CDH4: variants seen among roughly 807,000 people sequenced by gnomAD.
The protein encoded by CDH4 is cadherin 4, also known as cadherin-4.
A neutral mutation model predicts 86.0 loss-of-function variants in CDH4; 33 were observed. The ratio of observed to expected loss-of-function variants is 0.38; its 90% CI spans 0.29 to 0.51. CDH4 has a LOEUF of 0.51. Ranked by LOEUF, CDH4 falls within the 20% of genes least tolerant of loss-of-function variation. CDH4 has a pLI of 0.86. For synonymous variants in CDH4, 555 were observed against 549.4 expected, an observed-to-expected ratio of 1.01 and a Z score of -0.14; for missense variants, 1,114 against 1,307.4, an observed-to-expected ratio of 0.85 and a Z score of 2.28.
At chr20:61,295,682 T>A (rs1362746299) in intron 2 of CDH4, among the ~76,000 whole-genome samples, 1 of 152,072 alleles carries the variant, frequency 6.6e-6, no homozygotes, top group East Asian at 1.9e-4. Flanking sequence ...GTCAGCAGAG[T>A]GGCCTGGGCA....
At chr20:61,320,156 G>GT in intron 2 of CDH4, among the ~76,000 whole-genome samples, 1 of 152,158 alleles carries the variant, frequency 6.6e-6, no homozygotes, top group Non-Finnish European at 1.5e-5. Context: ...TTGGGCCTCG[G>GT]TGTTGCTGAT....
chr20:61,286,661 G>A (rs6015940), intron 2 of CDH4, among the ~76,000 whole-genome samples: 22,733 of 152,222 alleles, frequency 0.15, 2,004 homozygotes, highest in African/African-American at 0.23. Context: ...TTCACAAGAC[G>A]TTGAAAACTG....
At chr20:61,742,973 C>T (rs575571360) in intron 2 of CDH4, among the ~76,000 whole-genome samples, 44 of 152,282 alleles carry the variant, frequency 2.9e-4, no homozygotes, top group Non-Finnish European at 5.1e-4. Flanking sequence ...TAGCCCACCC[C>T]AAGGCCATTT....
intron 8 of CDH4, 55 bp downstream of exon 8, chr20:61,895,102 C>T: frequency 1.3e-6 from 2 of 1,589,206 alleles, no homozygotes; most frequent in Non-Finnish European, 8.6e-7. Flanking sequence ...CAGGAATGCA[C>T]TGGCGTGCGG....
chr20:61,893,022 AGGGT>A (rs1984892667), intron 7 of CDH4, among the ~76,000 whole-genome samples: 3 of 12,306 alleles, frequency 2.4e-4, no homozygotes, highest in African/African-American at 3.6e-4. Flanking sequence ...GGTGGGTGGG[AGGGT>A]GGATGGATAG....
intron 2 of CDH4, among the ~76,000 whole-genome samples, chr20:61,424,202 C>T (rs1320913083): frequency 1.4e-5 from 2 of 142,192 alleles, no homozygotes; most frequent in African/African-American, 5.0e-5. Context: ...TATCCACACG[C>T]ATCCACACAC....
chr20:61,482,780 G>T (rs1256045099), intron 2 of CDH4, among the ~76,000 whole-genome samples: 3 of 152,200 alleles, frequency 2.0e-5, no homozygotes, highest in Non-Finnish European at 4.4e-5. Context: ...TTGATGGAAT[G>T]ACACTAAGCA....
chr20:61,258,067 C>A (rs532242676), intron 2 of CDH4, among the ~76,000 whole-genome samples: 1 of 152,066 alleles, frequency 6.6e-6, no homozygotes, highest in African/African-American at 2.4e-5. Context: ...CGGTGGCTCA[C>A]GCCTGTAATC....
chr20:61,846,432 G>A (rs1982459281), intron 5 of CDH4, among the ~76,000 whole-genome samples: 1 of 152,172 alleles, frequency 6.6e-6, no homozygotes, highest in African/African-American at 2.4e-5. Flanking sequence ...TCTACAACAG[G>A]CTCAGGAACC....
At chr20:61,923,354 C>T in intron 9 of CDH4, 97 bp from the exon 10 acceptor site, 1 of 1,204,078 alleles carries the variant, frequency 8.3e-7, no homozygotes, top group African/African-American at 1.5e-5. Context: ...GGACATGGCT[C>T]AGGGAGGGGT....
chr20:61,692,117 G>A (rs531580846), intron 2 of CDH4, among the ~76,000 whole-genome samples: 2 of 142,778 alleles, frequency 1.4e-5, no homozygotes, highest in East Asian at 3.9e-4. Flanking sequence ...GTGTATGCAT[G>A]TGTGTGTCTG....
At chr20:61,657,228 C>T (rs540261146) in intron 2 of CDH4, among the ~76,000 whole-genome samples, 1 of 152,334 alleles carries the variant, frequency 6.6e-6, no homozygotes, top group East Asian at 1.9e-4. Context: ...CTATCTCATG[C>T]AAATCTGTTT....
chr20:61,456,685 G>A (rs755309060), intron 2 of CDH4, among the ~76,000 whole-genome samples: 105 of 152,210 alleles, frequency 6.9e-4, no homozygotes, highest in Admixed American at 9.2e-4. Context: ...AAGATCTTGT[G>A]CACCTTCAGA....
At chr20:61,776,410 G>A (rs1025631146) in intron 4 of CDH4, among the ~76,000 whole-genome samples, 1 of 152,214 alleles carries the variant, frequency 6.6e-6, no homozygotes, top group African/African-American at 2.4e-5. Flanking sequence ...GAGAAAAGCT[G>A]CAAATTCCGT....
intron 2 of CDH4, among the ~76,000 whole-genome samples, chr20:61,508,505 T>C (rs371807684): frequency 1.1e-3 from 163 of 152,332 alleles, no homozygotes; most frequent in African/African-American, 3.7e-3. Flanking sequence ...GGCCCCCTCC[T>C]GAGCAGAGCA....
At chr20:61,352,299 C>T (rs531225472) in intron 2 of CDH4, among the ~76,000 whole-genome samples, 6 of 152,208 alleles carry the variant, frequency 3.9e-5, no homozygotes, top group Admixed American at 6.5e-5. Context: ...AAATACATGC[C>T]GTGTCGGAAC....
At chr20:61,873,971 G>A (rs564673478) in intron 7 of CDH4, 71 bp downstream of exon 7, 276 of 1,541,838 alleles carry the variant, frequency 1.8e-4, no homozygotes, top group East Asian at 5.9e-4. Flanking sequence ...CAGGACCCTC[G>A]GGGAGCCTCT....
At chr20:61,735,650 T>C (rs1005636459) in intron 2 of CDH4, among the ~76,000 whole-genome samples, 2 of 152,220 alleles carry the variant, frequency 1.3e-5, no homozygotes, top group Non-Finnish European at 2.9e-5. Context: ...CTGGACCCCG[T>C]GCTCCCTGAT....
chr20:61,785,127 C>T (rs1978808180), intron 4 of CDH4, among the ~76,000 whole-genome samples: 1 of 152,192 alleles, frequency 6.6e-6, no homozygotes, highest in Non-Finnish European at 1.5e-5. Flanking sequence ...GGGCTCACCA[C>T]CTCAGTTCAT....
Sources: allele counts gnomAD v4.1 joint callset (sites outside exome capture counted in the v4.1 genomes callset), GRCh38; gene constraint gnomAD v4.1.1; transcripts MANE v1.5; gene names NCBI Gene and HGNC (gene_info 2026-07-23, HGNC 2026-07-21).